Variants in ANTXR2 observed in about 807,000 individuals in gnomAD.
ANTXR2 encodes anthrax toxin receptor 2.
Under a neutral mutation model 73.7 loss-of-function variants are expected in ANTXR2, and 44 were observed. That is an observed-to-expected ratio of 0.60 (90% CI 0.47 to 0.77). ANTXR2 has a LOEUF of 0.77. Ranked by LOEUF, ANTXR2 falls within the 30% of genes least tolerant of loss-of-function variation. ANTXR2 has a pLI of 0.00. For missense variants in ANTXR2, 604 were observed against 592.5 expected (o/e 1.02, Z -0.20); for synonymous variants, 217 against 205.9 (o/e 1.05, Z -0.46).
At chr4:80,034,960 G>C (rs1454637610) in intron 8 of ANTXR2, among the ~76,000 whole-genome samples, 1 of 152,096 alleles carries the variant, frequency 6.6e-6, no homozygotes, top group Non-Finnish European at 1.5e-5. Flanking sequence ...ACAGGAAAGG[G>C]TCAAACAGGG....
At chr4:79,936,914 T>G (rs1457042488) in intron 16 of ANTXR2, among the ~76,000 whole-genome samples, 1 of 152,112 alleles carries the variant, frequency 6.6e-6, no homozygotes, top group Non-Finnish European at 1.5e-5. Context: ...TACACTTATA[T>G]TTTCTATTTT....
chr4:80,052,060 T>A (rs550743099), intron 7 of ANTXR2, among the ~76,000 whole-genome samples: 175 of 151,632 alleles, frequency 1.2e-3, no homozygotes, highest in African/African-American at 3.9e-3. Context: ...GGAAAAAAAA[T>A]TATCAATTTA....
chr4:79,959,024 G>A, intron 16 of ANTXR2, among the ~76,000 whole-genome samples: 1 of 151,448 alleles, frequency 6.6e-6, no homozygotes, highest in East Asian at 1.9e-4. Flanking sequence ...ATGAAATAAA[G>A]ATCAAATGTT....
chr4:80,071,553 C>G, intron 2 of ANTXR2, 30 bp downstream of exon 2: 1 of 1,562,584 alleles, frequency 6.4e-7, no homozygotes, highest in Non-Finnish European at 8.8e-7. Flanking sequence ...TACTTCTCCA[C>G]TGCCTAGAAA....
intron 3 of ANTXR2, among the ~76,000 whole-genome samples, chr4:80,065,334 T>G (rs374585947): frequency 4.2e-4 from 64 of 152,316 alleles, no homozygotes; most frequent in African/African-American, 1.3e-3. Flanking sequence ...TTCTCTTACC[T>G]AACCCTATAA....
chr4:80,002,321 A>G (rs1167532647), intron 12 of ANTXR2, among the ~76,000 whole-genome samples: 1 of 152,192 alleles, frequency 6.6e-6, no homozygotes, highest in East Asian at 1.9e-4. Flanking sequence ...AGGATTCCTT[A>G]TTTAATAAAT....
rs1276076027 is a variant in ANTXR2 at position 79,906,010 on chromosome 4, T to C, written c.*1419A>G. 1 of 152,610 alleles carries C rather than the reference T, an allele frequency of 6.6e-6. No homozygotes were observed. Among genetic ancestry groups the C allele is most frequent in the Non-Finnish European group, 1.5e-5 (1 of 68,028 alleles). The allele number at this position is 152,610 out of a possible 1,614,324, so 9.5% of individuals were successfully genotyped here. On this transcript the variant is annotated 3_prime_UTR_variant, in exon 17 of 17. Transcript: ENST00000403729. ...AGTTCACATCAAAGCAGGCGCACTT[T>C]GTCAGGTTTCCACTCGAATATCCAT...
At chr4:80,064,605 T>G (rs13115168) in intron 3 of ANTXR2, among the ~76,000 whole-genome samples, 5,173 of 152,282 alleles carry the variant, frequency 0.034, 90 homozygotes, top group Middle Eastern at 0.099. Flanking sequence ...AAGAGATTAC[T>G]GGGGAGGAGA....
At chr4:80,021,571 C>T (rs538777478) in intron 10 of ANTXR2, among the ~76,000 whole-genome samples, 14 of 151,980 alleles carry the variant, frequency 9.2e-5, no homozygotes, top group East Asian at 3.9e-4. Context: ...TCACCAGAAA[C>T]GAACAAGTTC....
intron 16 of ANTXR2, among the ~76,000 whole-genome samples, chr4:79,920,227 T>C (rs1184616045): frequency 6.6e-6 from 1 of 152,016 alleles, no homozygotes; most frequent in African/African-American, 2.4e-5. Flanking sequence ...AGTTGAATCA[T>C]TGATTCCAGT....
chr4:80,004,856 C>T (rs1731228696), intron 12 of ANTXR2, among the ~76,000 whole-genome samples: 1 of 151,840 alleles, frequency 6.6e-6, no homozygotes, highest in South Asian at 2.1e-4. Context: ...CTCAGTCTAC[C>T]CAAACCCACT....
At chr4:79,924,974 T>C (rs114851247) in intron 16 of ANTXR2, among the ~76,000 whole-genome samples, 1 of 152,178 alleles carries the variant, frequency 6.6e-6, no homozygotes, top group Non-Finnish European at 1.5e-5. Context: ...AACATTTTGT[T>C]TGAATGGCAT....
At chr4:80,042,813 A>C (rs543994443) in intron 7 of ANTXR2, among the ~76,000 whole-genome samples, 50 of 152,110 alleles carry the variant, frequency 3.3e-4, no homozygotes, top group African/African-American at 1.2e-3. Flanking sequence ...AAACAGGTCT[A>C]CCTATAAGGC....
chr4:79,931,460 TC>T, intron 16 of ANTXR2, among the ~76,000 whole-genome samples: 1 of 137,548 alleles, frequency 7.3e-6, no homozygotes, highest in Non-Finnish European at 1.5e-5. Context: ...TCTCTCTCTC[TC>T]TCTCTCTCTC....
intron 14 of ANTXR2, among the ~76,000 whole-genome samples, chr4:79,982,727 T>C (rs527824130): frequency 1.3e-5 from 2 of 152,160 alleles, no homozygotes; most frequent in Non-Finnish European, 2.9e-5. Flanking sequence ...TCATGGATAA[T>C]TGGCAATGAG....
At chr4:80,050,783 C>G (rs1733737182) in intron 7 of ANTXR2, among the ~76,000 whole-genome samples, 1 of 151,586 alleles carries the variant, frequency 6.6e-6, no homozygotes, top group Admixed American at 6.6e-5. Context: ...ACTTATAACA[C>G]ATCATCATCT....
chr4:79,936,029 A>C (rs1371418988), intron 16 of ANTXR2, among the ~76,000 whole-genome samples: 1 of 152,224 alleles, frequency 6.6e-6, no homozygotes, highest in Non-Finnish European at 1.5e-5. Context: ...ATTCCATTCC[A>C]AAGTTGTAAA....
chr4:80,058,983 T>C (rs1281568879), intron 3 of ANTXR2, among the ~76,000 whole-genome samples: 2 of 152,104 alleles, frequency 1.3e-5, no homozygotes, highest in Non-Finnish European at 2.9e-5. Context: ...CTTCCTCTTT[T>C]CTGCACTTGA....
At chr4:80,050,071 C>A (rs1296000929) in intron 7 of ANTXR2, among the ~76,000 whole-genome samples, 1 of 151,708 alleles carries the variant, frequency 6.6e-6, no homozygotes, top group Non-Finnish European at 1.5e-5. Flanking sequence ...CCCTAAGGAA[C>A]TATGATGATC....
Sources: gnomAD v4.1 joint callset for allele counts (sites outside exome capture counted in the v4.1 genomes callset) on GRCh38, gnomAD v4.1.1 for gene constraint, MANE v1.5 for transcripts, NCBI Gene and HGNC (gene_info 2026-07-23, HGNC 2026-07-21) for gene names.